Variants in DGKE observed in about 807,000 individuals in gnomAD.
DGKE encodes the protein diacylglycerol kinase epsilon, also known as DAG kinase epsilon.
Under a neutral mutation model 70.0 loss-of-function variants are expected in DGKE, and 53 were observed. The ratio of observed to expected loss-of-function variants is 0.76; its 90% CI spans 0.61 to 0.95. The LOEUF is 0.95. Among genes scored for constraint, DGKE ranks in the 40% least tolerant of loss-of-function variants. The pLI is 0.00. For synonymous variants in DGKE, 291 were observed against 257.0 expected, an observed-to-expected ratio of 1.13 and a Z score of -1.27; for missense variants, 655 against 706.9, an observed-to-expected ratio of 0.93 and a Z score of 0.83.
At chr17:56,848,581 C>A in intron 5 of DGKE, 115 bp from the exon 6 acceptor site, 3 of 1,040,432 alleles carry the variant, frequency 2.9e-6, no homozygotes, top group Non-Finnish European at 4.2e-6. Flanking sequence ...AGCAAAACAA[C>A]ATACAGTTGT....
At chr17:56,839,297 A>T (rs1906818963) in intron 2 of DGKE, among the ~76,000 whole-genome samples, 1 of 152,204 alleles carries the variant, frequency 6.6e-6, no homozygotes, top group African/African-American at 2.4e-5. Context: ...GAAAGTTTGG[A>T]ATTTTTCAAA....
intron 4 of DGKE, 76 bp from the exon 5 acceptor site, chr17:56,847,846 A>G: frequency 8.9e-7 from 1 of 1,124,352 alleles, no homozygotes; most frequent in Non-Finnish European, 1.2e-6. Context: ...ATCTCTACTC[A>G]TCTAGAGGGA....
chr17:56,835,983 A>G lies in DGKE; in HGVS notation c.464+724A>G, dbSNP rs560829550. On this transcript the variant is annotated intron_variant, in intron 2 of 11. Transcript: ENST00000284061. ...GAGAATGCTGCTTTGCAAATGATCT[A>G]TTCTAACTCAGTTCACAGTTGAGAA... 3.3e-5 allele frequency: 5 copies of G among 152,366 alleles called. No homozygotes were observed. In the East Asian group the frequency reaches 9.6e-4, roughly 29 times the overall value. The allele number at this position is 152,366 out of a possible 1,614,324, so 9.4% of individuals were successfully genotyped here. A position where few individuals can be genotyped will look rare whatever the true frequency, so the allele number is the denominator to read the frequency against.
intron 2 of DGKE, among the ~76,000 whole-genome samples, chr17:56,840,923 G>A (rs1906940050): frequency 6.6e-6 from 1 of 151,894 alleles, no homozygotes; most frequent in African/African-American, 2.4e-5. Context: ...AGGAGTTCAG[G>A]CCAGTGTGAG....
intron 9 of DGKE, among the ~76,000 whole-genome samples, chr17:56,859,645 C>T (rs943644373): frequency 6.6e-6 from 1 of 152,046 alleles, no homozygotes; most frequent in African/African-American, 2.4e-5. Flanking sequence ...GTCTCGATCT[C>T]CTGACCTCGT....
In DGKE at chr17:56,845,819, G is replaced by A; in HGVS notation, c.744+10G>A. 2 of 1,559,670 alleles carry A rather than the reference G, an allele frequency of 1.3e-6. No homozygotes were observed. Among genetic ancestry groups the A allele is most frequent in the Non-Finnish European group, 8.6e-7 (1 of 1,159,998 alleles). ...GTTGAATCCAGTCCAGGTAACTAAA[G>A]AAAAAAACTTTTTATATTAATGTTT... On this transcript the variant is annotated intron_variant, in intron 4 of 11. Transcript: ENST00000284061.
At chr17:56,848,640 T>G (rs950381074) in intron 5 of DGKE, 56 bp from the exon 6 acceptor site, 20 of 1,571,246 alleles carry the variant, frequency 1.3e-5, no homozygotes, top group Non-Finnish European at 1.7e-5. Flanking sequence ...TACAAAATAT[T>G]ATTACCCAGC....
chr17:56,859,711 C>G (rs536227891), intron 9 of DGKE, among the ~76,000 whole-genome samples: 1 of 152,294 alleles, frequency 6.6e-6, no homozygotes, highest in South Asian at 2.1e-4. Context: ...AGCCACCGCG[C>G]CCAGCCAGAT....
chr17:56,835,697 C>T (rs999212584), intron 2 of DGKE: 1 of 216,312 alleles, frequency 4.6e-6, no homozygotes, highest in Non-Finnish European at 9.0e-6. Context: ...AAACAAGTGT[C>T]ATTCCAAGGC....
intron 4 of DGKE, chr17:56,847,239 G>A (rs746417171): frequency 4.0e-5 from 6 of 149,024 alleles, no homozygotes; most frequent in Non-Finnish European, 8.9e-5. Flanking sequence ...TTTTTTTTAA[G>A]CCAGTATAAG....
chr17:56,859,460 T>C (rs542756863), intron 9 of DGKE, among the ~76,000 whole-genome samples: 35 of 151,264 alleles, frequency 2.3e-4, no homozygotes, highest in African/African-American at 8.2e-4. Context: ...CACTCTGTCA[T>C]CCAGGCTGGA....
Position 56,861,919 on chromosome 17 carries a change from G to A in DGKE, c.1412+1G>A, listed in dbSNP as rs778821780. The stretch of plus-strand genomic sequence containing the variant: ...GGGACGAGACTTACCCTCTAGCCAG[G>A]TATGTACATTTGTGGTCTGTTTTTT... On this transcript the variant is annotated splice_donor_variant, in intron 10 of 11. Coordinates refer to ENST00000284061, the MANE Select transcript of DGKE (RefSeq NM_003647.3). LOFTEE classifies it high-confidence loss of function. 7 of 1,598,634 alleles carry A rather than the reference G, an allele frequency of 4.4e-6. No individual in the cohort carries two copies. Among genetic ancestry groups the A allele is most frequent in the African/African-American group, 2.7e-5 (2 of 73,722 alleles).
chr17:56,859,957 T>C (rs997975838), intron 9 of DGKE, among the ~76,000 whole-genome samples: 1 of 152,238 alleles, frequency 6.6e-6, no homozygotes, highest in African/African-American at 2.4e-5. Context: ...TGGGCTGCCA[T>C]GGCGTAGAAG....
Position 56,862,673 on chromosome 17 carries a change from C to T in DGKE, c.1586C>T (p.Pro529Leu). 1 of 1,608,324 alleles carries T rather than the reference C, an allele frequency of 6.2e-7. No individual in the cohort carries two copies. The highest frequency in any genetic ancestry group is 1.1e-5 in the South Asian group (1 of 89,918). ...GATGGGGAGCCTTGGGCCCAAGGGC[C>T]CTGCACTGTCACCATAACTCACAAG... ...QVDGEPWAQG[P>L]CTVTITHKTH... The change falls in exon 12 of 12, where the codon CCC (proline) becomes CTC (leucine). Residue 529 changes from proline (P) to leucine (L), a missense_variant. By Grantham distance (98) the Pro-to-Leu change is moderately conservative. Transcript: ENST00000284061.
Position 56,861,970 on chromosome 17 carries a change from T to C in DGKE, c.1412+52T>C, listed in dbSNP as rs767085779. On this transcript the variant is annotated intron_variant, in intron 10 of 11. Coordinates refer to ENST00000284061, the MANE Select transcript of DGKE (RefSeq NM_003647.3). The stretch of plus-strand genomic sequence containing the variant: ...TATGTCACTATTTTATTTAAAGCAA[T>C]CTCTTGTTTATAGACTTTAACATTT... The C allele has an allele frequency of 1.9e-6, 3 of 1,555,754 alleles. No homozygotes were observed. In the East Asian group the frequency reaches 6.7e-5, roughly 35 times the overall value.
intron 4 of DGKE, 156 bp downstream of exon 4, chr17:56,845,965 G>C: frequency 2.9e-6 from 2 of 700,626 alleles, no homozygotes; most frequent in Non-Finnish European, 4.2e-6. Context: ...AGGCACTCTT[G>C]TGGGAATATA....
intron 2 of DGKE, among the ~76,000 whole-genome samples, chr17:56,837,130 G>A (rs993529464): frequency 6.6e-6 from 1 of 152,094 alleles, no homozygotes; most frequent in African/African-American, 2.4e-5. Flanking sequence ...GCTAGATTTA[G>A]CAGATAAAAA....
intron 7 of DGKE, among the ~76,000 whole-genome samples, chr17:56,850,644 AC>A (rs1314879592): frequency 6.6e-6 from 1 of 152,192 alleles, no homozygotes; most frequent in South Asian, 2.1e-4. Flanking sequence ...TCTCCTTGCC[AC>A]TGAAATCCCT....
At chr17:56,842,182 A>G (rs1276927006) in intron 2 of DGKE, among the ~76,000 whole-genome samples, 2 of 152,212 alleles carry the variant, frequency 1.3e-5, no homozygotes, top group Non-Finnish European at 2.9e-5. Flanking sequence ...TAAATAAGTC[A>G]AAAAGTTAAG....
Sources: gnomAD v4.1 joint callset for allele counts (sites outside exome capture counted in the v4.1 genomes callset) on GRCh38, gnomAD v4.1.1 for gene constraint, MANE v1.5 for transcripts, NCBI Gene and HGNC (gene_info 2026-07-23, HGNC 2026-07-21) for gene names.